The following BTBD9 variants were observed in gnomAD, a reference collection of about 807,000 sequenced individuals.
The protein encoded by BTBD9 is BTB/POZ domain-containing protein 9.
Under a neutral mutation model 64.3 loss-of-function variants are expected in BTBD9, and 49 were observed. That is an observed-to-expected ratio of 0.76 (90% CI 0.61 to 0.97). BTBD9 has a LOEUF of 0.97. Ranked by LOEUF, BTBD9 falls within the 50% of genes least tolerant of loss-of-function variation. BTBD9 has a pLI of 0.00. For missense variants in BTBD9, 598 were observed against 762.1 expected, an observed-to-expected ratio of 0.78 and a Z score of 2.53; for synonymous variants, 260 against 274.7, an observed-to-expected ratio of 0.95 and a Z score of 0.53.
intron 1 of BTBD9, among the ~76,000 whole-genome samples, chr6:38,620,023 A>G (rs181848792): frequency 1.3e-5 from 2 of 152,322 alleles, no homozygotes; most frequent in East Asian, 3.9e-4. Context: ...ATGCCTGCCC[A>G]GTCCAAATCA....
chr6:38,294,698 T>C lies in BTBD9; in HGVS notation c.1265-6237A>G, dbSNP rs1033793074. Among the ~76,000 whole-genome samples the C allele has an allele frequency of 2.0e-5, 3 of 152,036 alleles. No individual in the cohort carries two copies. The East Asian group carries it at 5.8e-4, about 29-fold the overall frequency. On this transcript the variant is annotated intron_variant, in intron 7 of 10. Coordinates refer to ENST00000481247, the MANE Select transcript of BTBD9 (RefSeq NM_001099272.2). ...GGATAGCATTACGAGAAATACCTAA[T>C]GTAGATGATGGGTTGATGGGTGCAG...
chr6:38,524,086 C>G (rs1443134770), intron 6 of BTBD9, among the ~76,000 whole-genome samples: 2 of 152,054 alleles, frequency 1.3e-5, no homozygotes, highest in Non-Finnish European at 2.9e-5. Context: ...AGAGGGTGAA[C>G]TTTTAATTAT....
chr6:38,444,900 A>G (rs1769199101), intron 6 of BTBD9, among the ~76,000 whole-genome samples: 1 of 152,228 alleles, frequency 6.6e-6, no homozygotes, highest in South Asian at 2.1e-4. Context: ...ACATAATTAG[A>G]GTCATTATTT....
At chr6:38,415,907 C>T (rs769833990) in intron 6 of BTBD9, among the ~76,000 whole-genome samples, 10 of 152,042 alleles carry the variant, frequency 6.6e-5, no homozygotes, top group Non-Finnish European at 1.0e-4. Flanking sequence ...AATGGCTCCT[C>T]ACTGACTTCG....
At chr6:38,518,017 C>A (rs915303752) in intron 6 of BTBD9, among the ~76,000 whole-genome samples, 1 of 152,126 alleles carries the variant, frequency 6.6e-6, no homozygotes, top group Non-Finnish European at 1.5e-5. Flanking sequence ...TCAAAATACA[C>A]TGAGTCAAAG....
intron 6 of BTBD9, among the ~76,000 whole-genome samples, chr6:38,518,250 T>A (rs1024427829): frequency 6.6e-6 from 1 of 152,184 alleles, no homozygotes; most frequent in African/African-American, 2.4e-5. Flanking sequence ...TTGTTGCCTA[T>A]AGAATTTTCT....
At chr6:38,265,805 C>G (rs1275759863) in intron 8 of BTBD9, among the ~76,000 whole-genome samples, 1 of 152,186 alleles carries the variant, frequency 6.6e-6, no homozygotes, top group Non-Finnish European at 1.5e-5. Flanking sequence ...CAGGCGTGAG[C>G]TACCACACCT....
rs1486098745 is a variant in BTBD9, at chr6:38,592,131, G to A, written c.814+445C>T. On this transcript the variant is annotated intron_variant, in intron 4 of 10. Transcript: ENST00000481247. ...CTGGGAGGCGAGGTTGCAGTGAGCC[G>A]AGATTGCAACTTCCATTCTAGCCTG... is the stretch of plus-strand genomic sequence containing the variant. 3.3e-5 allele frequency among the ~76,000 whole-genome samples: 5 copies of A among 150,660 alleles called. No homozygotes were observed. In the South Asian group the frequency reaches 8.4e-4, roughly 25 times the overall value.
rs1003579833 is a variant in BTBD9, at chr6:38,639,916, G to GCCT, written c.-145_-144insAGG. On this transcript the variant is annotated 5_prime_UTR_variant, in exon 1 of 11. Transcript: ENST00000481247. ...TTCCGTGGCCGCCGTCCTCGCCGCC[G>GCCT]CCCCGGCTGCTGCGGCGCGCGTCCG... 1 of 152,368 alleles carries GCCT rather than the reference G, an allele frequency of 6.6e-6. No homozygotes were observed. The highest frequency in any genetic ancestry group is 1.5e-5 in the Non-Finnish European group (1 of 68,214). 9.4% of individuals were successfully genotyped at this position (152,368 alleles called of 1,614,324 possible).
At chr6:38,451,202 T>C (rs1769527989) in intron 6 of BTBD9, among the ~76,000 whole-genome samples, 1 of 152,208 alleles carries the variant, frequency 6.6e-6, no homozygotes, top group South Asian at 2.1e-4. Flanking sequence ...ATAAATACTT[T>C]GAGGGAAGGA....
At chr6:38,402,796 G>T in intron 6 of BTBD9, 1 of 699,982 alleles carries the variant, frequency 1.4e-6, no homozygotes, top group South Asian at 1.5e-5. Flanking sequence ...AGCAAGACTT[G>T]GTGGCTCATG....
chr6:38,315,046 C>T (rs1478178003), intron 7 of BTBD9, among the ~76,000 whole-genome samples: 2 of 152,074 alleles, frequency 1.3e-5, no homozygotes, highest in Non-Finnish European at 1.5e-5. Flanking sequence ...GACGGGGTTT[C>T]ACCATGTTAG....
chr6:38,515,677 G>A (rs1055982673), intron 6 of BTBD9, among the ~76,000 whole-genome samples: 3 of 152,140 alleles, frequency 2.0e-5, no homozygotes, highest in African/African-American at 7.2e-5. Flanking sequence ...TTCTGGGCCT[G>A]CATATTAAGA....
intron 6 of BTBD9, among the ~76,000 whole-genome samples, chr6:38,460,504 AC>A (rs1220754818): frequency 1.3e-5 from 2 of 152,244 alleles, no homozygotes; most frequent in East Asian, 3.8e-4. Context: ...GGACACCCCT[AC>A]ACTAATAGCT....
intron 6 of BTBD9, among the ~76,000 whole-genome samples, chr6:38,425,775 G>T (rs560829365): frequency 5.3e-4 from 80 of 151,532 alleles, no homozygotes; most frequent in African/African-American, 1.7e-3. Flanking sequence ...AAATTAGCAG[G>T]GCTTGGTGGT....
At chr6:38,520,782 A>T in intron 6 of BTBD9, among the ~76,000 whole-genome samples, 1 of 143,470 alleles carries the variant, frequency 7.0e-6, no homozygotes, top group South Asian at 2.3e-4. Flanking sequence ...AATATTAAAA[A>T]TAAAAAATTT....
At chr6:38,181,442 T>C (rs1761550113) in intron 10 of BTBD9, among the ~76,000 whole-genome samples, 1 of 152,200 alleles carries the variant, frequency 6.6e-6, no homozygotes, top group Non-Finnish European at 1.5e-5. Context: ...AGATCCCCTA[T>C]TTCCCTTTCA....
At chr6:38,564,966 C>CA (rs1420327749) in intron 6 of BTBD9, among the ~76,000 whole-genome samples, 3 of 151,990 alleles carry the variant, frequency 2.0e-5, no homozygotes, top group African/African-American at 7.2e-5. Flanking sequence ...CAAATGTCAC[C>CA]ATTTTTTTTC....
At chr6:38,429,418 G>A (rs1038937104) in intron 6 of BTBD9, among the ~76,000 whole-genome samples, 25 of 144,880 alleles carry the variant, frequency 1.7e-4, no homozygotes, top group African/African-American at 5.4e-4. Context: ...TCGCACCATC[G>A]CACTCCAGCC....
Sources: gnomAD v4.1 joint callset for allele counts (sites outside exome capture counted in the v4.1 genomes callset) on GRCh38, gnomAD v4.1.1 for gene constraint, MANE v1.5 for transcripts, NCBI Gene and HGNC (gene_info 2026-07-23, HGNC 2026-07-21) for gene names.